ZNF566: variants seen among roughly 807,000 people sequenced by gnomAD.
The protein encoded by ZNF566 is zinc finger protein 566.
A neutral mutation model predicts 32.8 loss-of-function variants in ZNF566; 27 were observed. The observed-to-expected ratio is 0.82, with a 90% CI of 0.61 to 1.14. The LOEUF (loss-of-function observed/expected upper bound fraction) is 1.14. ZNF566 is among the 50% of genes most tolerant of loss of function. The pLI is 0.00. For missense variants in ZNF566, 402 were observed against 490.4 expected (o/e 0.82, Z 1.70); for synonymous variants, 154 against 159.5 (o/e 0.97, Z 0.26).
chr19:36,489,521 G>A lies in ZNF566; in HGVS notation c.-95C>T. 5.7e-6 allele frequency: 2 copies of A among 349,428 alleles called. No individual in the cohort carries two copies. Among genetic ancestry groups the A allele is most frequent in the South Asian group, 4.3e-5 (2 of 46,432 alleles). 21.6% of individuals were successfully genotyped at this position (349,428 alleles called of 1,614,324 possible). On this transcript the variant is annotated 5_prime_UTR_variant, in exon 1 of 5. Coordinates refer to ENST00000452939, the MANE Select transcript of ZNF566 (RefSeq NM_001145344.1). ...AGCAGCAGAACCCTCCCCGGCACTG[G>A]GGTAGTTGCTGGTAAAGCCCTGAGG...
In ZNF566 at chr19:36,447,909, T is replaced by C. The variant is rs1456655607; in HGVS notation, c.*1068A>G. The C allele has an allele frequency of 6.6e-6, 1 of 152,182 alleles. No homozygotes were observed. 9.4% of individuals were successfully genotyped at this position (152,182 alleles called of 1,614,324 possible). A position where few individuals can be genotyped will look rare whatever the true frequency, so the allele number is the denominator to read the frequency against. ...AGAAGTTAAAAAGCCTTTCTACAAA[T>C]AATAATACTGATGATGATGAATATA... On this transcript the variant is annotated 3_prime_UTR_variant, in exon 5 of 5. Transcript: ENST00000452939.
chr19:36,477,580 C>T (rs1299025483), intron 1 of ZNF566, among the ~76,000 whole-genome samples: 6 of 135,972 alleles, frequency 4.4e-5, no homozygotes, highest in African/African-American at 1.4e-4. Flanking sequence ...GCTCTGTCGC[C>T]CAGGCTGGAG....
chr19:36,456,422 A>T (rs1185021730), intron 4 of ZNF566: 2 of 150,184 alleles, frequency 1.3e-5, no homozygotes, highest in Non-Finnish European at 3.0e-5. Flanking sequence ...GCGTGGCAGC[A>T]TGCACCTGTA....
At chr19:36,468,907 C>A (rs1484177032) in intron 4 of ZNF566, among the ~76,000 whole-genome samples, 1 of 150,478 alleles carries the variant, frequency 6.6e-6, no homozygotes, top group Admixed American at 6.6e-5. Flanking sequence ...AGAGTGGGAC[C>A]CTGTTTCAAA....
intron 4 of ZNF566, among the ~76,000 whole-genome samples, chr19:36,471,545 C>G (rs1273730406): frequency 1.3e-5 from 2 of 152,172 alleles, no homozygotes; most frequent in Non-Finnish European, 2.9e-5. Flanking sequence ...CTTCAGGTCT[C>G]TGCCCAAACG....
At position 36,467,809 on chromosome 19, in the gene ZNF566, AAAAAAAAAAAAAAAAG is replaced by A. The variant is rs1362676791; in HGVS notation, c.232+5086_232+5101del. On this transcript the variant is annotated intron_variant, in intron 4 of 4. Coordinates refer to ENST00000452939, the MANE Select transcript of ZNF566 (RefSeq NM_001145344.1). ...CCATCTCAAAAAAAAAAAAAAAAAA[AAAAAAAAAAAAAAAAG>A]AAAAAAAGAAGGAAATGCAAATTAA... Among the ~76,000 whole-genome samples the A allele has an allele frequency of 3.5e-3, 308 of 88,228 alleles. 6 individuals are homozygous for A. Among genetic ancestry groups the A allele is most frequent in the African/African-American group, 0.012 (284 of 22,928 alleles). 57.9% of individuals were successfully genotyped at this position (88,228 alleles called of 152,430 possible). A position where few individuals can be genotyped will look rare whatever the true frequency, so the allele number is the denominator to read the frequency against.
In ZNF566 at chr19:36,445,662, A is replaced by C. The variant is rs890794805; in HGVS notation, c.*3315T>G. Reference sequence around the variant, plus strand: ...TGGAAAAATGCCGTCTCTACTAAAAATACAAAATTTTCCAGGCGTAGTGGC... The same window carrying C: ...TGGAAAAATGCCGTCTCTACTAAAACTACAAAATTTTCCAGGCGTAGTGGC... On this transcript the variant is annotated 3_prime_UTR_variant, in exon 5 of 5. Coordinates refer to ENST00000452939, the MANE Select transcript of ZNF566 (RefSeq NM_001145344.1). 6.6e-6 allele frequency: 1 copy of C among 152,182 alleles called. No individual in the cohort carries two copies. Among genetic ancestry groups the C allele is most frequent in the Non-Finnish European group, 1.5e-5 (1 of 68,054 alleles). 9.4% of individuals were successfully genotyped at this position (152,182 alleles called of 1,614,324 possible). A position where few individuals can be genotyped will look rare whatever the true frequency, so the allele number is the denominator to read the frequency against.
At position 36,476,626 on chromosome 19, in the gene ZNF566, G is replaced by T; in HGVS notation, c.-59-10C>A. 1 of 1,605,004 alleles carries T rather than the reference G, an allele frequency of 6.2e-7. No homozygotes were observed. Among genetic ancestry groups the T allele is most frequent in the East Asian group, 2.2e-5 (1 of 44,680 alleles). On this transcript the variant is annotated splice_polypyrimidine_tract_variant and intron_variant, in intron 1 of 4. Coordinates refer to ENST00000452939, the MANE Select transcript of ZNF566 (RefSeq NM_001145344.1). ...TTGGAGAAGGGTAGAGCTGGGAGAGGCAAAAGAAGATAGATAAGACCCCAC... is the reference window on the plus strand; with the variant it reads ...TTGGAGAAGGGTAGAGCTGGGAGAGTCAAAAGAAGATAGATAAGACCCCAC...
In ZNF566 at chr19:36,477,548, TG is replaced by T. The variant is rs374773830; in HGVS notation, c.-59-933del. Among the ~76,000 whole-genome samples, 33 of 119,916 alleles carry T rather than the reference TG, an allele frequency of 2.8e-4. 4 individuals carry two copies. Among genetic ancestry groups the T allele is most frequent in the African/African-American group, 4.2e-4 (13 of 31,308 alleles). 78.7% of individuals were successfully genotyped at this position (119,916 alleles called of 152,430 possible). ...TCTGTTTTTTTTTTGTTTGTTTGTTTGTTTTTTTGAGACGGAGTCTTGCTCT... is the reference window on the plus strand; with the variant it reads ...TCTGTTTTTTTTTTGTTTGTTTGTTTTTTTTTTGAGACGGAGTCTTGCTCT... On this transcript the variant is annotated intron_variant, in intron 1 of 4. Transcript: ENST00000452939.
chr19:36,477,239 T>C (rs2114289), intron 1 of ZNF566, among the ~76,000 whole-genome samples: 1 of 152,134 alleles, frequency 6.6e-6, no homozygotes. Context: ...CTCGATCTCC[T>C]GACCTCATGA....
chr19:36,478,482 C>T (rs1045370488), intron 1 of ZNF566, among the ~76,000 whole-genome samples: 1 of 152,028 alleles, frequency 6.6e-6, no homozygotes, highest in Non-Finnish European at 1.5e-5. Context: ...TGAAACATTC[C>T]CACTTCAACA....
chr19:36,475,200 C>T (rs2945976), intron 2 of ZNF566, among the ~76,000 whole-genome samples: 37,473 of 152,032 alleles, frequency 0.25, 4,682 homozygotes, highest in South Asian at 0.36. Context: ...CGTGCACCAA[C>T]ATGCCTGGCT....
intron 4 of ZNF566, among the ~76,000 whole-genome samples, chr19:36,462,784 C>T (rs183812882): frequency 1.3e-5 from 2 of 151,234 alleles, no homozygotes; most frequent in East Asian, 2.0e-4. Flanking sequence ...GGTGAAACCC[C>T]GCCTCTACTA....
At chr19:36,466,940 G>T (rs988231055) in intron 4 of ZNF566, among the ~76,000 whole-genome samples, 4 of 150,924 alleles carry the variant, frequency 2.7e-5, no homozygotes, top group African/African-American at 9.8e-5. Flanking sequence ...GAGGTGGCAG[G>T]TGCCTGTAGT....
chr19:36,464,366 A>C (rs185681242), intron 4 of ZNF566, among the ~76,000 whole-genome samples: 1 of 152,190 alleles, frequency 6.6e-6, no homozygotes, highest in African/African-American at 2.4e-5. Context: ...TCTGTTGCCC[A>C]GGCTGGTTTT....
chr19:36,458,269 ACAT>A (rs1339617696), intron 4 of ZNF566, among the ~76,000 whole-genome samples: 1 of 152,160 alleles, frequency 6.6e-6, no homozygotes, highest in African/African-American at 2.4e-5. Context: ...ATATACACAC[ACAT>A]AATGGAATGT....
chr19:36,477,526 G>GTTTCTT, intron 1 of ZNF566, among the ~76,000 whole-genome samples: 1 of 107,002 alleles, frequency 9.3e-6, no homozygotes, highest in Non-Finnish European at 2.0e-5. Context: ...TTCTGTTTCT[G>GTTTCTT]TTTTTTTTTT....
chr19:36,488,904 TG>T (rs1773947643), intron 1 of ZNF566, among the ~76,000 whole-genome samples: 1 of 152,096 alleles, frequency 6.6e-6, no homozygotes, highest in Admixed American at 6.6e-5. Flanking sequence ...ACTCCCACCA[TG>T]GGGACATTCA....
intron 2 of ZNF566, 41 bp downstream of exon 2, chr19:36,476,508 T>G: frequency 6.4e-7 from 1 of 1,572,460 alleles, no homozygotes; most frequent in Non-Finnish European, 8.7e-7. Context: ...TTACTAGAAG[T>G]AAAAATCACT....
Sources: gnomAD v4.1 joint callset for allele counts (sites outside exome capture counted in the v4.1 genomes callset) on GRCh38, gnomAD v4.1.1 for gene constraint, MANE v1.5 for transcripts, NCBI Gene and HGNC (gene_info 2026-07-23, HGNC 2026-07-21) for gene names.